FOCAD: variants seen among roughly 807,000 people sequenced by gnomAD.
FOCAD encodes KIAA1797.
In FOCAD, 198 loss-of-function variants were observed where a neutral mutation model predicts 225.6. The observed-to-expected ratio is 0.88, with a 90% confidence interval of 0.78 to 0.99. The LOEUF (loss-of-function observed/expected upper bound fraction) is 0.99, where lower values mean the gene tolerates loss of function less well. Among genes scored for constraint, FOCAD ranks in the 50% least tolerant of loss-of-function variants. FOCAD has a pLI of 0.00. For synonymous variants in FOCAD, 897 were observed against 755.0 expected (o/e 1.19, Z -3.08); for missense variants, 2,713 against 2,123.6 (o/e 1.28, Z -5.46).
chr9:20,768,307 G>A (rs940707356), intron 7 of FOCAD, among the ~76,000 whole-genome samples: 25 of 151,440 alleles, frequency 1.7e-4, no homozygotes, highest in East Asian at 3.9e-4. Flanking sequence ...TTGGCGATGC[G>A]GGCTCTTTTT....
chr9:20,841,237 T>G (rs1412618114), intron 15 of FOCAD, among the ~76,000 whole-genome samples: 5 of 152,006 alleles, frequency 3.3e-5, no homozygotes, highest in Non-Finnish European at 7.4e-5. Context: ...GATACTGGCC[T>G]TGTAGAATGA....
At chr9:20,809,267 C>G (rs1352099594) in intron 11 of FOCAD, among the ~76,000 whole-genome samples, 1 of 152,102 alleles carries the variant, frequency 6.6e-6, no homozygotes, top group Non-Finnish European at 1.5e-5. Context: ...CAGCTTTGTC[C>G]AAAAGAACTT....
intron 15 of FOCAD, among the ~76,000 whole-genome samples, chr9:20,842,996 T>C (rs1010275354): frequency 6.6e-6 from 1 of 152,026 alleles, no homozygotes; most frequent in Non-Finnish European, 1.5e-5. Context: ...TAATAAAAAC[T>C]CTACACTTTA....
intron 37 of FOCAD, among the ~76,000 whole-genome samples, chr9:20,980,422 T>A (rs1208088196): frequency 6.6e-6 from 1 of 152,228 alleles, no homozygotes; most frequent in Non-Finnish European, 1.5e-5. Flanking sequence ...AAATTTTACT[T>A]ATCCTTTCAT....
rs142649584 is a variant in FOCAD, at chr9:20,881,783, A to G, written c.2318-88A>G. On this transcript the variant is annotated intron_variant, in intron 19 of 43. Transcript: ENST00000338382. ...TAAGGTTTGGCCAGAAATGTAGCTT[A>G]GTTGTTTGTATATGAGTTAAGAACG... 15 of 1,295,998 alleles carry G rather than the reference A, an allele frequency of 1.2e-5. No individual in the cohort carries two copies. The Admixed American group carries it at 3.0e-4, about 26-fold the overall frequency. 80.3% of individuals were successfully genotyped at this position (1,295,998 alleles called of 1,614,324 possible). A position where few individuals can be genotyped will look rare whatever the true frequency, so the allele number is the denominator to read the frequency against.
intron 1 of FOCAD, among the ~76,000 whole-genome samples, chr9:20,700,331 T>C (rs776571367): frequency 1.3e-5 from 2 of 152,066 alleles, no homozygotes; most frequent in Non-Finnish European, 2.9e-5. Flanking sequence ...CCATTTTCCA[T>C]CTCTATTAGA....
chr9:20,720,044 A>C (rs1586935078), intron 3 of FOCAD, among the ~76,000 whole-genome samples: 2 of 152,148 alleles, frequency 1.3e-5, no homozygotes, highest in Non-Finnish European at 2.9e-5. Context: ...ATATACTATT[A>C]GTGTCTGGTT....
intron 5 of FOCAD, among the ~76,000 whole-genome samples, chr9:20,757,163 A>G (rs2130885818): frequency 6.6e-6 from 1 of 152,264 alleles, no homozygotes; most frequent in South Asian, 2.1e-4. Flanking sequence ...TCCCAACCTC[A>G]GGTGATCCAC....
chr9:20,873,228 T>G (rs1829950370), intron 18 of FOCAD, among the ~76,000 whole-genome samples: 1 of 152,106 alleles, frequency 6.6e-6, no homozygotes. Flanking sequence ...TATTTTTTTG[T>G]TTTGCCACGT....
intron 2 of FOCAD, among the ~76,000 whole-genome samples, chr9:20,664,779 C>T (rs1673909359): frequency 6.6e-6 from 1 of 151,624 alleles, no homozygotes; most frequent in African/African-American, 2.4e-5. Flanking sequence ...GTGCCCGGCC[C>T]AGGGTGATAT....
chr9:20,781,659 G>C, intron 9 of FOCAD, 68 bp from the exon 10 acceptor site: 1 of 1,434,238 alleles, frequency 7.0e-7, no homozygotes, highest in Non-Finnish European at 9.8e-7. Context: ...TCATTCTTAA[G>C]CAAAATTGCA....
chr9:20,776,004 A>G (rs1478940422), intron 8 of FOCAD, among the ~76,000 whole-genome samples: 2 of 151,976 alleles, frequency 1.3e-5, no homozygotes, highest in African/African-American at 4.8e-5. Context: ...ACAGAAGCAA[A>G]GGCTTATATG....
intron 28 of FOCAD, among the ~76,000 whole-genome samples, chr9:20,938,646 G>A (rs1836278950): frequency 6.6e-6 from 1 of 151,880 alleles, no homozygotes; most frequent in Admixed American, 6.6e-5. Context: ...AAGTTAATGG[G>A]TACAGCACAC....
intron 16 of FOCAD, 132 bp from the exon 17 acceptor site, chr9:20,865,794 T>C: frequency 1.7e-6 from 1 of 598,758 alleles, no homozygotes; most frequent in Non-Finnish European, 2.9e-6. Context: ...GATGGGTGAA[T>C]ACACATTAAG....
intron 28 of FOCAD, among the ~76,000 whole-genome samples, chr9:20,940,721 A>G (rs1478851471): frequency 6.6e-6 from 1 of 152,238 alleles, no homozygotes; most frequent in African/African-American, 2.4e-5. Context: ...AGGAATCATC[A>G]TCACTTTGGT....
chr9:20,882,028 G>A lies in FOCAD; in HGVS notation c.2475G>A (p.Lys825=), dbSNP rs1189460970. ...TATTGAAAATGTATGAAACAAACAA[G>A]CAACCAGGACTGAAACCTGGCCTTG... The part of the protein sequence containing the change: ...NFILKMYETN[K]QPGLKPGLAG... The change falls in exon 20 of 44, where the codon AAG becomes AAA. Residue 825 remains lysine, a synonymous_variant. Coordinates refer to ENST00000338382, the MANE Select transcript of FOCAD (RefSeq NM_001375567.1). 1.9e-6 allele frequency: 3 copies of A among 1,613,740 alleles called. No homozygotes were observed. Among genetic ancestry groups the A allele is most frequent in the South Asian group, 1.1e-5 (1 of 91,052 alleles).
intron 1 of FOCAD, among the ~76,000 whole-genome samples, chr9:20,713,221 A>C (rs1028729661): frequency 1.3e-5 from 2 of 152,020 alleles, no homozygotes; most frequent in South Asian, 4.2e-4. Context: ...GCCTTTTATG[A>C]CCTGGCTTCT....
At chr9:20,787,799 T>C (rs1820078712) in intron 10 of FOCAD, among the ~76,000 whole-genome samples, 1 of 152,156 alleles carries the variant, frequency 6.6e-6, no homozygotes, top group South Asian at 2.1e-4. Flanking sequence ...ATATATTATC[T>C]TTTTCTCCTC....
intron 2 of FOCAD, among the ~76,000 whole-genome samples, chr9:20,667,027 A>G (rs1821918644): frequency 6.6e-6 from 1 of 152,208 alleles, no homozygotes; most frequent in African/African-American, 2.4e-5. Flanking sequence ...AAAGCGATTG[A>G]TTTAAATTTG....
Sources: gnomAD v4.1 joint callset for allele counts (sites outside exome capture counted in the v4.1 genomes callset) on GRCh38, gnomAD v4.1.1 for gene constraint, MANE v1.5 for transcripts, NCBI Gene and HGNC (gene_info 2026-07-23, HGNC 2026-07-21) for gene names.